Variants in CARS1 observed in about 807,000 individuals in gnomAD.
CARS1 encodes cysteine--tRNA ligase, cytoplasmic.
CARS1 carries 48 observed loss-of-function variants against 106.2 expected under a neutral mutation model. That is an observed-to-expected ratio of 0.45 (90% CI 0.36 to 0.57). CARS1 has a LOEUF of 0.57. Ranked by LOEUF, CARS1 falls within the 20% of genes least tolerant of loss-of-function variation. CARS1 has a pLI of 0.00. For missense variants in CARS1, 968 were observed against 1,057.2 expected (o/e 0.92, Z 1.17); for synonymous variants, 409 against 403.4 (o/e 1.01, Z -0.17).
At position 3,051,750 on chromosome 11, in the gene CARS1, G is replaced by A. The variant is rs776730301; in HGVS notation, c.26-3749C>T. Among the ~76,000 whole-genome samples, 13 of 152,166 alleles carry A rather than the reference G, an allele frequency of 8.5e-5. No homozygotes were observed. The South Asian group carries it at 1.0e-3, about 12-fold the overall frequency. ...CCCCTCACAGATCAGGCCACAGTTCGAAAGCTGTTCCCCAATGCTGACCCT... is the reference window on the plus strand; with the variant it reads ...CCCCTCACAGATCAGGCCACAGTTCAAAAGCTGTTCCCCAATGCTGACCCT... On this transcript the variant is annotated intron_variant, in intron 1 of 22. Transcript: ENST00000380525.
At position 3,001,201 on chromosome 11, in the gene CARS1, T is replaced by C. The variant is rs1275945031; in HGVS notation, c.2409A>G (p.Gln803=). 2.5e-6 allele frequency: 4 copies of C among 1,614,082 alleles called. No homozygotes were observed. The highest frequency in any genetic ancestry group is 1.6e-4 in the Middle Eastern group (1 of 6,062). Reference sequence around the variant, plus strand: ...CGAAGAGCTTCTTCAGCTTCTTGGCTTGCCCTTTGCTGAGCTCTTTGCCCT... The same window carrying C: ...CGAAGAGCTTCTTCAGCTTCTTGGCCTGCCCTTTGCTGAGCTCTTTGCCCT... ...DMEGKELSKG[Q]AKKLKKLFEA... is the part of the protein sequence containing the mutation. The change falls in exon 23 of 23, where the codon CAA becomes CAG. Residue 803 remains glutamine (Q), a synonymous_variant. Transcript: ENST00000380525.
chr11:3,020,336 C>T lies in CARS1; in HGVS notation c.1154-4G>A. 6.3e-7 allele frequency: 1 copy of T among 1,598,746 alleles called. No homozygotes were observed. Among genetic ancestry groups the T allele is most frequent in the Non-Finnish European group, 8.6e-7 (1 of 1,166,108 alleles). ...TCTGCAGAGATGCTCAGGTCACCTG[C>T]AAACACGAGGGACGCCAGGCAAGGT... On this transcript the variant is annotated splice_region_variant and splice_polypyrimidine_tract_variant and intron_variant, in intron 10 of 22. Coordinates refer to ENST00000380525, the MANE Select transcript of CARS1 (RefSeq NM_001014437.3). The surrounding 1 kb of genome is among the most constrained non-coding windows in gnomAD (Gnocchi z 4.6).
intron 9 of CARS1, 173 bp from the exon 10 acceptor site, chr11:3,026,970 A>C: frequency 1.4e-6 from 1 of 698,378 alleles, no homozygotes; most frequent in South Asian, 2.2e-5. Context: ...GTGGGACACC[A>C]GGGCCCATCC....
rs921280418 is a variant in CARS1 at position 3,017,790 on chromosome 11, C to T, written c.1727+67G>A. 9.5e-7 allele frequency: 1 copy of T among 1,057,892 alleles called. No individual in the cohort carries two copies. The highest frequency in any genetic ancestry group is 1.6e-5 in the African/African-American group (1 of 63,728). The allele number at this position is 1,057,892 out of a possible 1,614,324, so 65.5% of individuals were successfully genotyped here. A position where few individuals can be genotyped will look rare whatever the true frequency, so the allele number is the denominator to read the frequency against. ...TCGACAGTCCAGGACACATGGTGGC[C>T]AAGATGCGAGGCTAGGCATAGAACA... On this transcript the variant is annotated intron_variant, in intron 15 of 22. Coordinates refer to ENST00000380525, the MANE Select transcript of CARS1 (RefSeq NM_001014437.3). This position sits in a 1 kb window ranked among gnomAD's most constrained non-coding sequence, Gnocchi z 4.9.
Position 3,028,788 on chromosome 11 carries a change from C to T in CARS1, c.1031+208G>A. On this transcript the variant is annotated intron_variant, in intron 9 of 22. Transcript: ENST00000380525. This position sits in a 1 kb window ranked among gnomAD's most constrained non-coding sequence, Gnocchi z 4.4. ...CCCAGCAGATTCTGGGTTAGGTTCT[C>T]ACCATGGCCCCCAGGACAGTGCAGA... The T allele has an allele frequency of 1.8e-6, 1 of 548,116 alleles. No homozygotes were observed. Among genetic ancestry groups the T allele is most frequent in the Non-Finnish European group, 3.2e-6 (1 of 310,588 alleles). 34.0% of individuals were successfully genotyped at this position (548,116 alleles called of 1,614,324 possible). A position where few individuals can be genotyped will look rare whatever the true frequency, so the allele number is the denominator to read the frequency against.
At chr11:3,007,098 C>T in intron 18 of CARS1, 139 bp from the exon 19 acceptor site, 1 of 701,932 alleles carries the variant, frequency 1.4e-6, no homozygotes. Context: ...GGGAGGGGCC[C>T]CGGCCCACAG....
chr11:3,010,119 C>T (rs1258212685), intron 18 of CARS1, among the ~76,000 whole-genome samples: 1 of 152,220 alleles, frequency 6.6e-6, no homozygotes, highest in African/African-American at 2.4e-5. Flanking sequence ...GAAAGCAAAA[C>T]CGAACTACTT....
intron 19 of CARS1, 45 bp from the exon 20 acceptor site, chr11:3,005,478 C>A (rs553637981): frequency 6.6e-7 from 1 of 1,525,862 alleles, no homozygotes. Flanking sequence ...CTCTGTGGGC[C>A]GTCCCCACTG....
At chr11:3,012,164 TC>T in intron 18 of CARS1, 30 bp downstream of exon 18, 2 of 1,591,148 alleles carry the variant, frequency 1.3e-6, no homozygotes, top group South Asian at 2.2e-5. Flanking sequence ...GGGGAGTGGC[TC>T]CCACACTCTT....
intron 12 of CARS1, 109 bp from the exon 13 acceptor site, chr11:3,018,858 G>A (rs1190415828): frequency 1.6e-5 from 22 of 1,410,092 alleles, no homozygotes; most frequent in South Asian, 2.8e-5. Context: ...CAGGAGCTGC[G>A]TTTTCCAGGT....
At position 3,057,288 on chromosome 11, in the gene CARS1, C is replaced by G. The variant is rs976439963; in HGVS notation, c.25+55G>C. The G allele has an allele frequency of 5.2e-6, 8 of 1,529,544 alleles. No homozygotes were observed. In the African/African-American group the frequency reaches 1.1e-4, roughly 21 times the overall value. The allele number at this position is 1,529,544 out of a possible 1,614,324, so 94.7% of individuals were successfully genotyped here. Reference sequence around the variant, plus strand: ...CTCGCTGCCCTTCGAGCCGAGCACCCAGCGCCCAGTCAGGCCCCCAGCCGC... The same window carrying G: ...CTCGCTGCCCTTCGAGCCGAGCACCGAGCGCCCAGTCAGGCCCCCAGCCGC... On this transcript the variant is annotated intron_variant, in intron 1 of 22. Coordinates refer to ENST00000380525, the MANE Select transcript of CARS1 (RefSeq NM_001014437.3).
At position 3,012,100 on chromosome 11, in the gene CARS1, GGCCTGAACGCCATAGT is replaced by G. The variant is rs1403868354; in HGVS notation, c.2068+79_2068+94del. ...GGGCAGCCTTCCCAGAGGATGATCC[GGCCTGAACGCCATAGT>G]GCCTCGGGGGAGACGCCCGGTCCGG... On this transcript the variant is annotated intron_variant, in intron 18 of 22. Transcript: ENST00000380525. The G allele has an allele frequency of 2.6e-6, 3 of 1,147,770 alleles. No homozygotes were observed. The African/African-American group carries it at 4.5e-5, about 17-fold the overall frequency. 71.1% of individuals were successfully genotyped at this position (1,147,770 alleles called of 1,614,324 possible). A position where few individuals can be genotyped will look rare whatever the true frequency, so the allele number is the denominator to read the frequency against.
chr11:3,018,233 C>T (rs1321143056), intron 14 of CARS1, 175 bp downstream of exon 14: 1 of 616,332 alleles, frequency 1.6e-6, no homozygotes, highest in African/African-American at 1.8e-5. Flanking sequence ...AGCCGTCAGC[C>T]ATTTCAGGAG....
chr11:3,004,684 G>A lies in CARS1; in HGVS notation c.2217+682C>T, dbSNP rs1849687609. Among the ~76,000 whole-genome samples, 1 of 152,208 alleles carries A rather than the reference G, an allele frequency of 6.6e-6. No individual in the cohort carries two copies. The highest frequency in any genetic ancestry group is 1.5e-5 in the Non-Finnish European group (1 of 68,034). On this transcript the variant is annotated intron_variant, in intron 20 of 22. Coordinates refer to ENST00000380525, the MANE Select transcript of CARS1 (RefSeq NM_001014437.3). The surrounding 1 kb of genome is among the most constrained non-coding windows in gnomAD (Gnocchi z 5.2). ...TTCTTCTGTCCTATTGGGCACCGAG[G>A]AACTTGGGCCATCCCTGATCCTGGG...
chr11:3,017,794 A>T lies in CARS1; in HGVS notation c.1727+63T>A. The T allele has an allele frequency of 9.2e-7, 1 of 1,081,718 alleles. No homozygotes were observed. Among genetic ancestry groups the T allele is most frequent in the South Asian group, 1.3e-5 (1 of 78,778 alleles). 67.0% of individuals were successfully genotyped at this position (1,081,718 alleles called of 1,614,324 possible). On this transcript the variant is annotated intron_variant, in intron 15 of 22. Coordinates refer to ENST00000380525, the MANE Select transcript of CARS1 (RefSeq NM_001014437.3). The surrounding 1 kb of genome is among the most constrained non-coding windows in gnomAD (Gnocchi z 4.9). Reference sequence around the variant, plus strand: ...CAGTCCAGGACACATGGTGGCCAAGATGCGAGGCTAGGCATAGAACATGGG... The same window carrying T: ...CAGTCCAGGACACATGGTGGCCAAGTTGCGAGGCTAGGCATAGAACATGGG...
rs1488586424 is a variant in CARS1, at chr11:3,041,071, G to A, written c.367-87C>T. The A allele has an allele frequency of 6.2e-7, 1 of 1,606,250 alleles. No individual in the cohort carries two copies. The highest frequency in any genetic ancestry group is 8.5e-7 in the Non-Finnish European group (1 of 1,175,230). ...CAAAAACAGCAACAAACATCACAGT[G>A]TGGTTTGTGTTTAGTGTAAACAATT... On this transcript the variant is annotated intron_variant, in intron 3 of 22. Transcript: ENST00000380525. The surrounding 1 kb of genome is among the most constrained non-coding windows in gnomAD (Gnocchi z 4.9).
chr11:3,026,458 C>T (rs752911875), intron 10 of CARS1, among the ~76,000 whole-genome samples: 1 of 152,174 alleles, frequency 6.6e-6, no homozygotes, highest in African/African-American at 2.4e-5. Flanking sequence ...CCATAAATTG[C>T]ATAATTATTA....
chr11:3,017,344 A>G lies in CARS1; in HGVS notation c.1728-49T>C. The stretch of plus-strand genomic sequence containing the variant: ...GTGAAGTCAGACCTGAAAACACACC[A>G]TAGAAATTCCCCATGTGGCCAGGCG... On this transcript the variant is annotated intron_variant, in intron 15 of 22. Coordinates refer to ENST00000380525, the MANE Select transcript of CARS1 (RefSeq NM_001014437.3). This position sits in a 1 kb window ranked among gnomAD's most constrained non-coding sequence, Gnocchi z 4.9. 2 of 1,551,868 alleles carry G rather than the reference A, an allele frequency of 1.3e-6. No homozygotes were observed. The highest frequency in any genetic ancestry group is 4.5e-5 in the East Asian group (2 of 44,330).
At position 3,028,926 on chromosome 11, in the gene CARS1, G is replaced by T; in HGVS notation, c.1031+70C>A. The stretch of plus-strand genomic sequence containing the variant: ...CCTCTGCTTCCCAAACTCAGGCTCA[G>T]AGCTGGGGAGCTCCTCCCTGTGCGA... On this transcript the variant is annotated intron_variant, in intron 9 of 22. Coordinates refer to ENST00000380525, the MANE Select transcript of CARS1 (RefSeq NM_001014437.3). The surrounding 1 kb of genome is among the most constrained non-coding windows in gnomAD (Gnocchi z 4.4). 9.3e-6 allele frequency: 10 copies of T among 1,070,976 alleles called. No individual in the cohort carries two copies. The highest frequency in any genetic ancestry group is 1.4e-5 in the Non-Finnish European group (10 of 690,714). The allele number at this position is 1,070,976 out of a possible 1,614,324, so 66.3% of individuals were successfully genotyped here.
Sources: allele counts gnomAD v4.1 joint callset (sites outside exome capture counted in the v4.1 genomes callset), GRCh38; gene constraint gnomAD v4.1.1; non-coding constraint Gnocchi (gnomAD v3.1); transcripts MANE v1.5; gene names NCBI Gene and HGNC (gene_info 2026-07-23, HGNC 2026-07-21).